The following FBN3 variants were observed in gnomAD, a reference collection of about 807,000 sequenced individuals.
FBN3 encodes the protein fibrillin-3.
FBN3 carries 234 observed loss-of-function variants against 330.1 expected under a neutral mutation model. The ratio of observed to expected loss-of-function variants is 0.71; its 90% CI spans 0.64 to 0.79. The LOEUF is 0.79. Ranked by LOEUF, FBN3 falls within the 30% of genes least tolerant of loss-of-function variation. The probability of loss-of-function intolerance (pLI) is 0.00; values close to 1 mark genes in which losing one functional copy is unlikely to be tolerated. For synonymous variants in FBN3, 1,458 were observed against 1,517.3 expected, an observed-to-expected ratio of 0.96 and a Z score of 0.91; for missense variants, 3,606 against 3,886.9, an observed-to-expected ratio of 0.93 and a Z score of 1.92.
intron 56 of FBN3, among the ~76,000 whole-genome samples, chr19:8,085,017 G>A (rs2081903817): frequency 6.6e-6 from 1 of 152,088 alleles, no homozygotes; most frequent in African/African-American, 2.4e-5. Context: ...CTCCCAAAGT[G>A]CTGGGATGAC....
At chr19:8,124,766 C>T (rs991072884) in intron 22 of FBN3, among the ~76,000 whole-genome samples, 9 of 151,540 alleles carry the variant, frequency 5.9e-5, no homozygotes, top group Non-Finnish European at 1.0e-4. Flanking sequence ...GAACTCCTAA[C>T]CTCAAGCAAT....
At position 8,073,453 on chromosome 19, in the gene FBN3, G is replaced by A. The variant is rs1486545492; in HGVS notation, c.7703-156C>T. Among the ~76,000 whole-genome samples, 4 of 152,130 alleles carry A rather than the reference G, an allele frequency of 2.6e-5. No individual in the cohort carries two copies. In the East Asian group the frequency reaches 5.8e-4, roughly 22 times the overall value. Reference sequence around the variant, plus strand: ...TGGCAGTGAGCCCTGAGACTAGATCGGCCCCATAGCCCCGCTGCCCCAAAC... The same window carrying A: ...TGGCAGTGAGCCCTGAGACTAGATCAGCCCCATAGCCCCGCTGCCCCAAAC... On this transcript the variant is annotated intron_variant, in intron 61 of 63. Transcript: ENST00000600128.
Position 8,117,505 on chromosome 19 carries a change from T to G in FBN3, c.3422A>C (p.His1141Pro). The G allele has an allele frequency of 4.5e-6, 7 of 1,559,782 alleles. No homozygotes were observed. The highest frequency in any genetic ancestry group is 6.1e-6 in the Non-Finnish European group (7 of 1,151,410). ...NVIGAFQCSC[H>P]AGFQSTPDRQ... Reference sequence around the variant, plus strand: ...GTCAGGTGTGCTCTGGAAGCCGGCATGGCAGGAGCACTGGAAGGCACCGAT... The same window carrying G: ...GTCAGGTGTGCTCTGGAAGCCGGCAGGGCAGGAGCACTGGAAGGCACCGAT... The change falls in exon 27 of 64, where the codon CAT (histidine) becomes CCT (proline). Residue 1141 changes from histidine to proline, a missense_variant. Coordinates refer to ENST00000600128, the MANE Select transcript of FBN3 (RefSeq NM_032447.5).
chr19:8,118,888 C>T lies in FBN3; in HGVS notation c.3337+9G>A. 1 of 1,605,544 alleles carries T rather than the reference C, an allele frequency of 6.2e-7. No individual in the cohort carries two copies. Among genetic ancestry groups the T allele is most frequent in the Non-Finnish European group, 8.5e-7 (1 of 1,172,896 alleles). On this transcript the variant is annotated intron_variant, in intron 26 of 63. Transcript: ENST00000600128. ...ACACTCACACTTGCACACCCAGATG[C>T]ACACTTACCCTCACAGGCAGTGCCC...
chr19:8,136,487 T>C lies in FBN3; in HGVS notation c.1246A>G (p.Thr416Ala). Residue 416 changes from threonine (T) to alanine (A), a missense_variant, in exon 11 of 64, where the codon ACC (threonine) becomes GCC (alanine). By Grantham distance (58) the Thr-to-Ala change is moderately conservative (BLOSUM62 0). Transcript: ENST00000600128. ...CAGCGGCCATTCAGACACAGGTTGGTGAAGTGTCGGCAGATGTCAATGGTC... is the reference window on the plus strand; with the variant it reads ...CAGCGGCCATTCAGACACAGGTTGGCGAAGTGTCGGCAGATGTCAATGGTC... The part of the protein sequence containing the change: ...NQTIDICRHF[T>A]NLCLNGRCLP... 3.7e-6 allele frequency: 6 copies of C among 1,614,138 alleles called. No individual in the cohort carries two copies. Among genetic ancestry groups the C allele is most frequent in the Non-Finnish European group, 5.1e-6 (6 of 1,180,002 alleles).
intron 25 of FBN3, among the ~76,000 whole-genome samples, chr19:8,119,863 C>A (rs1237679615): frequency 7.2e-6 from 1 of 139,544 alleles, no homozygotes; most frequent in Non-Finnish European, 1.5e-5. Flanking sequence ...CACTGTTACC[C>A]AGCCTGGAGT....
In FBN3 at chr19:8,131,827, T is replaced by C. The variant is rs2083157156; in HGVS notation, c.1717A>G (p.Ile573Val). Residue 573 changes from isoleucine (I) to valine (V), a missense_variant and splice_region_variant, in exon 15 of 64, where the codon ATT becomes GTT. Ile to Val is a conservative substitution (Grantham distance 29). Coordinates refer to ENST00000600128, the MANE Select transcript of FBN3 (RefSeq NM_032447.5). This position sits in a 1 kb window ranked among gnomAD's most constrained non-coding sequence, Gnocchi z 4.5. ...ATGCCGGGCGTCTGGCACTCGTCAA[T>C]GTCTGCAGAAGCAGTGGCGGCACGG... ...LAPGGHYCMD[I>V]DECQTPGICV... 1 of 1,589,614 alleles carries C rather than the reference T, an allele frequency of 6.3e-7. No homozygotes were observed. The highest frequency in any genetic ancestry group is 8.6e-7 in the Non-Finnish European group (1 of 1,163,494).
chr19:8,082,637 G>T (rs924234115), intron 57 of FBN3, among the ~76,000 whole-genome samples: 5 of 151,906 alleles, frequency 3.3e-5, no homozygotes, highest in African/African-American at 1.2e-4. Flanking sequence ...GGGATTATAG[G>T]CATGCACCAG....
intron 59 of FBN3, among the ~76,000 whole-genome samples, chr19:8,076,978 G>T (rs139707623): frequency 6.6e-6 from 1 of 152,242 alleles, no homozygotes; most frequent in African/African-American, 2.4e-5. Context: ...TGCCCAGGCT[G>T]GTCGCAAACT....
intron 13 of FBN3, 25 bp downstream of exon 13, chr19:8,135,936 G>GTCCCCCCCC: frequency 3.0e-6 from 2 of 668,778 alleles, no homozygotes; most frequent in Non-Finnish European, 2.4e-6. Context: ...GGAAGCCCCT[G>GTCCCCCCCC]CCCACCCGCC....
At chr19:8,072,265 G>A (rs1357773160) in intron 62 of FBN3, 67 bp from the exon 63 acceptor site, 29 of 1,436,132 alleles carry the variant, frequency 2.0e-5, no homozygotes, top group African/African-American at 5.7e-5. Context: ...CAGCCACGCC[G>A]CTCCACCCCA....
intron 28 of FBN3, 109 bp downstream of exon 28, chr19:8,117,060 C>G: frequency 1.3e-6 from 2 of 1,494,026 alleles, no homozygotes; most frequent in African/African-American, 2.7e-5. Context: ...TGCCTCGGGT[C>G]TGGCTGGCTT....
intron 22 of FBN3, 51 bp downstream of exon 22, chr19:8,125,841 G>A (rs776324153): frequency 7.2e-6 from 11 of 1,537,278 alleles, no homozygotes; most frequent in Admixed American, 6.8e-5. Flanking sequence ...GCGGGTGGAG[G>A]GAACAAAGGA....
chr19:8,080,914 G>T, intron 59 of FBN3, 89 bp downstream of exon 59: 2 of 940,060 alleles, frequency 2.1e-6, no homozygotes, highest in Non-Finnish European at 3.3e-6. Context: ...GAGCCATTGC[G>T]CCTGGCCAAC....
intron 63 of FBN3, among the ~76,000 whole-genome samples, chr19:8,070,823 G>A (rs2081494967): frequency 1.3e-5 from 2 of 152,090 alleles, no homozygotes; most frequent in South Asian, 4.2e-4. Flanking sequence ...AGGAGTTCAA[G>A]ACCAGCCTGA....
At chr19:8,118,543 A>C (rs542193934) in intron 26 of FBN3, among the ~76,000 whole-genome samples, 69 of 151,730 alleles carry the variant, frequency 4.5e-4, no homozygotes, top group Admixed American at 2.6e-3. Context: ...TACACACTCA[A>C]ACCCTCTTGT....
chr19:8,135,936 G>GGGGGGGGGGGGGGGGC, intron 13 of FBN3, 25 bp downstream of exon 13: 81 of 668,730 alleles, frequency 1.2e-4, no homozygotes, highest in Non-Finnish European at 1.8e-4. Flanking sequence ...GGAAGCCCCT[G>GGGGGGGGGGGGGGGGC]CCCACCCGCC....
intron 55 of FBN3, among the ~76,000 whole-genome samples, chr19:8,085,778 G>A (rs7260399): frequency 0.55 from 83,212 of 151,632 alleles, 23,631 homozygotes; most frequent in African/African-American, 0.69. Context: ...GGTTGGTTCC[G>A]GGGTGTGGCG....
intron 10 of FBN3, 29 bp downstream of exon 10, chr19:8,138,112 G>C (rs772568170): frequency 6.4e-7 from 1 of 1,569,820 alleles, no homozygotes; most frequent in Non-Finnish European, 8.6e-7. Flanking sequence ...TCAAGTCTTG[G>C]AATGTTCCTC....
Sources: allele counts gnomAD v4.1 joint callset (sites outside exome capture counted in the v4.1 genomes callset), GRCh38; gene constraint gnomAD v4.1.1; non-coding constraint Gnocchi (gnomAD v3.1); transcripts MANE v1.5; gene names NCBI Gene and HGNC (gene_info 2026-07-23, HGNC 2026-07-21).